SLC35A3: variants seen among roughly 807,000 people sequenced by gnomAD.
SLC35A3 encodes the protein solute carrier family 35 member A3.
SLC35A3 carries 26 observed loss-of-function variants against 39.0 expected under a neutral mutation model. The observed-to-expected ratio is 0.67, with a 90% confidence interval of 0.49 to 0.92. SLC35A3 has a LOEUF of 0.92. Among genes scored for constraint, SLC35A3 ranks in the 40% least tolerant of loss-of-function variants. The pLI is 0.00. For synonymous variants in SLC35A3, 135 were observed against 133.1 expected, an observed-to-expected ratio of 1.01 and a Z score of -0.10; for missense variants, 299 against 371.6, an observed-to-expected ratio of 0.80 and a Z score of 1.61.
chr1:100,011,602 T>C, intron 5 of SLC35A3, 69 bp downstream of exon 5: 1 of 511,186 alleles, frequency 2.0e-6, no homozygotes, highest in Non-Finnish European at 3.0e-6. Flanking sequence ...GATTTCTATA[T>C]ATCTTTAAAT....
chr1:100,011,837 G>A (rs893945603), intron 5 of SLC35A3, among the ~76,000 whole-genome samples: 1 of 151,516 alleles, frequency 6.6e-6, no homozygotes, highest in African/African-American at 2.4e-5. Flanking sequence ...TCCAGTCTCA[G>A]CCTCCTGAGT....
intron 1 of SLC35A3, among the ~76,000 whole-genome samples, chr1:99,991,711 CA>C (rs1658096567): frequency 6.6e-6 from 1 of 152,178 alleles, no homozygotes; most frequent in Admixed American, 6.5e-5. Context: ...TTAGACACTG[CA>C]TTAAGTCCTT....
At position 100,003,337 on chromosome 1, in the gene SLC35A3, A is replaced by G. The variant is rs989582300; in HGVS notation, c.343-3697A>G. On this transcript the variant is annotated intron_variant, in intron 3 of 7. Coordinates refer to ENST00000533028, the MANE Select transcript of SLC35A3 (RefSeq NM_012243.3). ...AGGCTGAGGTAGGAGAATTGCTTGA[A>G]CCCAGGAGGCGGAGGTTGCCGTGAG... Among the ~76,000 whole-genome samples, 4 of 147,182 alleles carry G rather than the reference A, an allele frequency of 2.7e-5. No individual in the cohort carries two copies. In the Admixed American group the frequency reaches 2.8e-4, roughly 10 times the overall value.
At position 100,031,191 on chromosome 1, in the gene SLC35A3, A is replaced by G. The variant is rs947073086; in HGVS notation, c.*8715A>G. On this transcript the variant is annotated 3_prime_UTR_variant, in exon 8 of 8. Coordinates refer to ENST00000533028, the MANE Select transcript of SLC35A3 (RefSeq NM_012243.3). Reference sequence around the variant, plus strand: ...TTTAAAAAACTCATGGGCTACCTCCATGAACTCACACATGCGGCATTGTTA... The same window carrying G: ...TTTAAAAAACTCATGGGCTACCTCCGTGAACTCACACATGCGGCATTGTTA... 3.3e-5 allele frequency: 5 copies of G among 152,228 alleles called. No homozygotes were observed. The highest frequency in any genetic ancestry group is 5.9e-5 in the Non-Finnish European group (4 of 68,042). The allele number at this position is 152,228 out of a possible 1,614,324, so 9.4% of individuals were successfully genotyped here.
At chr1:100,006,101 T>C (rs1374844633) in intron 3 of SLC35A3, among the ~76,000 whole-genome samples, 1 of 152,176 alleles carries the variant, frequency 6.6e-6, no homozygotes, top group African/African-American at 2.4e-5. Flanking sequence ...ATGATTTCTT[T>C]GGCTATAATC....
intron 4 of SLC35A3, among the ~76,000 whole-genome samples, chr1:100,011,083 C>G (rs1272780269): frequency 6.6e-6 from 1 of 152,078 alleles, no homozygotes; most frequent in Non-Finnish European, 1.5e-5. Context: ...ATAAATTAAA[C>G]TTTAAGGAAT....
chr1:100,011,586 T>G (rs916664086), intron 5 of SLC35A3, 53 bp downstream of exon 5: 1 of 666,800 alleles, frequency 1.5e-6, no homozygotes, highest in Non-Finnish European at 2.2e-6. Flanking sequence ...TATTGTTATA[T>G]TTAAAGATTT....
chr1:99,986,137 A>G (rs1458877947), intron 1 of SLC35A3, among the ~76,000 whole-genome samples: 3 of 151,876 alleles, frequency 2.0e-5, no homozygotes, highest in Admixed American at 2.0e-4. Flanking sequence ...AATCTGTTAC[A>G]AATGATCATT....
At chr1:100,003,060 C>T (rs547241) in intron 3 of SLC35A3, among the ~76,000 whole-genome samples, 8,936 of 152,026 alleles carry the variant, frequency 0.059, 343 homozygotes, top group African/African-American at 0.1. Flanking sequence ...TCCCTTTTGT[C>T]ACTGCTTTTG....
rs759547757 is a variant in SLC35A3, at chr1:100,033,747, CTTAT to C, written c.*11274_*11277del. ...ATTATCTGTTCATATTTTCTGTAGT[CTTAT>C]TTCTTTTTGATTAGAACATATAATA... is the stretch of plus-strand genomic sequence containing the variant. On this transcript the variant is annotated 3_prime_UTR_variant, in exon 8 of 8. Coordinates refer to ENST00000533028, the MANE Select transcript of SLC35A3 (RefSeq NM_012243.3). The C allele has an allele frequency of 2.6e-5, 4 of 152,076 alleles. No homozygotes were observed. The highest frequency in any genetic ancestry group is 4.8e-5 in the African/African-American group (2 of 41,406). The allele number at this position is 152,076 out of a possible 1,614,324, so 9.4% of individuals were successfully genotyped here.
At position 100,023,417 on chromosome 1, in the gene SLC35A3, A is replaced by G. The variant is rs1453048977; in HGVS notation, c.*941A>G. 3 of 152,252 alleles carry G rather than the reference A, an allele frequency of 2.0e-5. No homozygotes were observed. The highest frequency in any genetic ancestry group is 2.0e-4 in the Admixed American group (3 of 15,290). The allele number at this position is 152,252 out of a possible 1,614,324, so 9.4% of individuals were successfully genotyped here. A position where few individuals can be genotyped will look rare whatever the true frequency, so the allele number is the denominator to read the frequency against. On this transcript the variant is annotated 3_prime_UTR_variant, in exon 8 of 8. Transcript: ENST00000533028. ...TTGAACTATCAAGCATATACTGTATACAGTTAGAAAGTTATTAAATGAACA... is the reference window on the plus strand; with the variant it reads ...TTGAACTATCAAGCATATACTGTATGCAGTTAGAAAGTTATTAAATGAACA...
In SLC35A3 at chr1:100,032,458, A is replaced by T. The variant is rs1031686642; in HGVS notation, c.*9982A>T. 2 of 152,188 alleles carry T rather than the reference A, an allele frequency of 1.3e-5. No individual in the cohort carries two copies. The highest frequency in any genetic ancestry group is 2.9e-5 in the Non-Finnish European group (2 of 68,028). The allele number at this position is 152,188 out of a possible 1,614,324, so 9.4% of individuals were successfully genotyped here. On this transcript the variant is annotated 3_prime_UTR_variant, in exon 8 of 8. Transcript: ENST00000533028. ...TGTCTTCATGAATTTAAAAAAAATT[A>T]CTCAATATATTATAGCCAATCGGTC... is the stretch of plus-strand genomic sequence containing the variant.
intron 6 of SLC35A3, 95 bp from the exon 7 acceptor site, chr1:100,017,587 A>G (rs1660244717): frequency 1.3e-6 from 1 of 743,818 alleles, no homozygotes; most frequent in Non-Finnish European, 2.1e-6. Flanking sequence ...GATTGAATTT[A>G]TGGGACAAAA....
rs1557838910 is a variant in SLC35A3, at chr1:100,007,122, T to A, written c.431T>A (p.Leu144Gln). The A allele has an allele frequency of 1.9e-6, 3 of 1,611,320 alleles. No homozygotes were observed. In the South Asian group the frequency reaches 3.3e-5, roughly 18 times the overall value. Residue 144 changes from leucine (L) to glutamine (Q), a missense_variant, in exon 4 of 8, where the codon CTA becomes CAA. Coordinates refer to ENST00000533028, the MANE Select transcript of SLC35A3 (RefSeq NM_012243.3). The part of the protein sequence containing the change: ...KKLGVYQWLS[L>Q]VILMTGVAFV... ...TTGGGTGTATACCAGTGGCTGTCCC[T>A]AGTAATTTTGATGACAGGAGTTGCT...
chr1:99,971,389 C>G (rs1656804001), intron 1 of SLC35A3, among the ~76,000 whole-genome samples: 1 of 151,876 alleles, frequency 6.6e-6, no homozygotes, highest in Admixed American at 6.6e-5. Flanking sequence ...TCACTGCAAG[C>G]TCCGCCTCCC....
At chr1:99,989,490 G>T (rs1657950861) in intron 1 of SLC35A3, among the ~76,000 whole-genome samples, 1 of 151,834 alleles carries the variant, frequency 6.6e-6, no homozygotes, top group Non-Finnish European at 1.5e-5. Flanking sequence ...CATTATGTTG[G>T]CCAGGCCGCT....
At chr1:99,975,472 A>T (rs554909915) in intron 1 of SLC35A3, among the ~76,000 whole-genome samples, 1 of 152,236 alleles carries the variant, frequency 6.6e-6, no homozygotes, top group Admixed American at 6.5e-5. Flanking sequence ...TAAAAGGTAT[A>T]TACAAAATGG....
chr1:99,989,016 C>T (rs1657919879), intron 1 of SLC35A3, among the ~76,000 whole-genome samples: 1 of 152,130 alleles, frequency 6.6e-6, no homozygotes. Flanking sequence ...CAGCCTCAGC[C>T]TCCCAAAGTG....
chr1:99,998,180 GAT>G (rs914452001), intron 2 of SLC35A3, among the ~76,000 whole-genome samples: 60 of 150,480 alleles, frequency 4.0e-4, no homozygotes, highest in African/African-American at 1.2e-3. Flanking sequence ...TTGAGATGGG[GAT>G]CTTGTTCTTT....
Sources: allele counts gnomAD v4.1 joint callset (sites outside exome capture counted in the v4.1 genomes callset), GRCh38; gene constraint gnomAD v4.1.1; transcripts MANE v1.5; gene names NCBI Gene and HGNC (gene_info 2026-07-23, HGNC 2026-07-21).